TMC2: variants seen among roughly 807,000 people sequenced by gnomAD.
TMC2 encodes transmembrane channel like 2.
TMC2 carries 102 observed loss-of-function variants against 105.9 expected under a neutral mutation model. That is an observed-to-expected ratio of 0.96 (90% CI 0.82 to 1.14). The LOEUF is 1.14. Among genes scored for constraint, TMC2 ranks in the 50% most tolerant of loss-of-function variants. The probability of loss-of-function intolerance (pLI) is 0.00; values close to 1 mark genes in which losing one functional copy is unlikely to be tolerated. For missense variants in TMC2, 1,093 were observed against 1,134.3 expected (o/e 0.96, Z 0.52); for synonymous variants, 402 against 422.8 (o/e 0.95, Z 0.60).
chr20:2,587,290 G>A lies in TMC2; in HGVS notation c.835-5020G>A, dbSNP rs1447338258. On this transcript the variant is annotated intron_variant, in intron 7 of 19. Transcript: ENST00000358864. ...TGTTATTGGGCACATACAAATTTAA[G>A]ATTGTTATGTGGTGAATTATATTGA... 3.3e-5 allele frequency among the ~76,000 whole-genome samples: 5 copies of A among 152,234 alleles called. No homozygotes were observed. The South Asian group carries it at 1.0e-3, about 32-fold the overall frequency.
chr20:2,624,509 G>T, intron 17 of TMC2, 113 bp downstream of exon 17: 1 of 1,257,828 alleles, frequency 8.0e-7, no homozygotes. Context: ...CCCAGAAGCA[G>T]AATCCATGAC....
In TMC2 at chr20:2,641,267, C is replaced by T. The variant is rs373202843; in HGVS notation, c.2637C>T (p.Ile879=). ...TTCCTATATCTCGGCCCCCTGGAAT[C>T]GGACCAGATTCTGGCCACGCCCCAT... is the stretch of plus-strand genomic sequence containing the variant. ...GHLPISRPPG[I]GPDSGHAPSQ... is the part of the protein sequence containing the mutation. The change falls in exon 20 of 20, where the codon ATC becomes ATT. Residue 879 remains isoleucine (I), a synonymous_variant. Transcript: ENST00000358864. The T allele has an allele frequency of 5.6e-6, 9 of 1,614,032 alleles. No homozygotes were observed. The highest frequency in any genetic ancestry group is 1.3e-5 in the African/African-American group (1 of 74,916).
intron 18 of TMC2, 89 bp from the exon 19 acceptor site, chr20:2,637,385 C>G: frequency 6.7e-6 from 4 of 593,200 alleles, no homozygotes; most frequent in Non-Finnish European, 8.0e-6. Context: ...GAGACTCTGT[C>G]TCAAAAAAAA....
chr20:2,558,345 A>G lies in TMC2; in HGVS notation c.83-111A>G, dbSNP rs1425827433. On this transcript the variant is annotated intron_variant, in intron 2 of 19. Coordinates refer to ENST00000358864, the MANE Select transcript of TMC2 (RefSeq NM_080751.3). This position sits in a 1 kb window ranked among gnomAD's most constrained non-coding sequence, Gnocchi z 4.6. ...GGGTGTCCTGTTCTGAGCCCCGCAG[A>G]GCTCACAAGCTCTCGGAATCATCTT... 1.3e-6 allele frequency: 2 copies of G among 1,501,414 alleles called. No individual in the cohort carries two copies. The highest frequency in any genetic ancestry group is 1.8e-6 in the Non-Finnish European group (2 of 1,124,174). 93.0% of individuals were successfully genotyped at this position (1,501,414 alleles called of 1,614,324 possible). A position where few individuals can be genotyped will look rare whatever the true frequency, so the allele number is the denominator to read the frequency against.
At position 2,624,369 on chromosome 20, in the gene TMC2, T is replaced by C. The variant is rs199941206; in HGVS notation, c.2279T>C (p.Leu760Pro). 1 of 1,613,918 alleles carries C rather than the reference T, an allele frequency of 6.2e-7. No homozygotes were observed. Among genetic ancestry groups the C allele is most frequent in the Admixed American group, 1.7e-5 (1 of 59,988 alleles). The change falls in exon 17 of 20, where the codon CTG becomes CCG. Residue 760 changes from leucine to proline, a missense_variant. Leu to Pro is a moderately conservative substitution (Grantham distance 98). Transcript: ENST00000358864. ...TTTGCTTTCCTCGCCAATCCAGGCC[T>C]GATCATCCCAGCCATCCTGCTGATG... ...KIFAFLANPG[L>P]IIPAILLMFL...
Position 2,604,174 on chromosome 20 carries a change from G to T in TMC2, c.1413+1873G>T, listed in dbSNP as rs74532991. On this transcript the variant is annotated intron_variant, in intron 11 of 19. Coordinates refer to ENST00000358864, the MANE Select transcript of TMC2 (RefSeq NM_080751.3). ...CAGCCACTGCCAAAATCGGGAGAAG[G>T]TTCCAGAGTTCCCATGGGCAGAGCC... is the stretch of plus-strand genomic sequence containing the variant. Among the ~76,000 whole-genome samples, 795 of 152,324 alleles carry T rather than the reference G, an allele frequency of 5.2e-3. 13 individuals are homozygous for T. The highest frequency in any genetic ancestry group is 0.018 in the African/African-American group (736 of 41,576).
chr20:2,543,972 G>A (rs559564824), intron 2 of TMC2, among the ~76,000 whole-genome samples: 5 of 150,036 alleles, frequency 3.3e-5, no homozygotes, highest in African/African-American at 1.2e-4. Context: ...CATGATCTTG[G>A]CTCACTGCAA....
At chr20:2,613,462 T>A (rs1291040686) in intron 14 of TMC2, 140 bp downstream of exon 14, 4 of 1,253,656 alleles carry the variant, frequency 3.2e-6, no homozygotes, top group Non-Finnish European at 3.4e-6. Context: ...AGTAAAGTGT[T>A]TAATTTGTAT....
chr20:2,548,064 T>C (rs2085935112), intron 2 of TMC2, among the ~76,000 whole-genome samples: 1 of 152,264 alleles, frequency 6.6e-6, no homozygotes, highest in South Asian at 2.1e-4. Flanking sequence ...TTATAACTTT[T>C]AACCAAAGGA....
chr20:2,627,392 G>A (rs2086572186), intron 17 of TMC2, among the ~76,000 whole-genome samples: 1 of 152,216 alleles, frequency 6.6e-6, no homozygotes, highest in Non-Finnish European at 1.5e-5. Flanking sequence ...AGCAATTGAA[G>A]AATTGGTCAA....
chr20:2,589,269 C>CGTGTGTGTGTGT (rs764448789), intron 7 of TMC2, among the ~76,000 whole-genome samples: 3,887 of 84,640 alleles, frequency 0.046, 361 homozygotes, highest in Admixed American at 0.062. Context: ...TCCTATTTGC[C>CGTGTGTGTGTGT]CTGTGTGTGT....
chr20:2,598,747 A>G (rs1043815784), intron 10 of TMC2, among the ~76,000 whole-genome samples: 1 of 151,502 alleles, frequency 6.6e-6, no homozygotes, highest in Admixed American at 6.6e-5. Context: ...TTTCTAAACA[A>G]GAGTTTTTTT....
intron 4 of TMC2, among the ~76,000 whole-genome samples, chr20:2,563,032 C>T (rs1294592155): frequency 6.6e-6 from 1 of 152,180 alleles, no homozygotes; most frequent in East Asian, 1.9e-4. Flanking sequence ...TCCTATCCAA[C>T]ATGACCGTTT....
At position 2,616,564 on chromosome 20, in the gene TMC2, T is replaced by A. The variant is rs1183928728; in HGVS notation, c.1940+360T>A. Among the ~76,000 whole-genome samples, 1 of 149,480 alleles carries A rather than the reference T, an allele frequency of 6.7e-6. No homozygotes were observed. The highest frequency in any genetic ancestry group is 2.1e-4 in the South Asian group (1 of 4,724). ...GGAGGAAAAGAGGAGGAAAGGAAAA[T>A]AAAGAAGGAGGGAGGGAGAAAAGAA... On this transcript the variant is annotated intron_variant, in intron 15 of 19. Coordinates refer to ENST00000358864, the MANE Select transcript of TMC2 (RefSeq NM_080751.3). The surrounding 1 kb of genome is among the most constrained non-coding windows in gnomAD (Gnocchi z 4.8).
intron 4 of TMC2, 21 bp from the exon 5 acceptor site, chr20:2,572,158 T>C: frequency 1.5e-6 from 2 of 1,366,552 alleles, no homozygotes; most frequent in Non-Finnish European, 2.0e-6. Flanking sequence ...AAATCCTGCT[T>C]TTTTTTTTTT....
chr20:2,602,440 A>G (rs2086359031), intron 11 of TMC2, 139 bp downstream of exon 11: 3 of 619,118 alleles, frequency 4.8e-6, no homozygotes. Flanking sequence ...CTTCCAGTCA[A>G]ATAGCATGAA....
intron 10 of TMC2, among the ~76,000 whole-genome samples, chr20:2,598,393 A>ATTT (rs1236858411): frequency 1.1e-5 from 1 of 92,388 alleles, no homozygotes; most frequent in Non-Finnish European, 2.2e-5. Flanking sequence ...CCTTGCCTCT[A>ATTT]CTTTATTTAT....
At position 2,558,601 on chromosome 20, in the gene TMC2, C is replaced by T; in HGVS notation, c.228C>T (p.Arg76=). 6.4e-7 allele frequency: 1 copy of T among 1,556,676 alleles called. No homozygotes were observed. ...PGSPRRKQTG[R]RRHREELGEQ... ...CTCCCCGGAGGAAGCAAACAGGGCG[C>T]AGGAGACACAGAGAAGAGCTGGGGG... The change falls in exon 3 of 20, where the codon CGC becomes CGT. Residue 76 remains arginine (R), a synonymous_variant. Coordinates refer to ENST00000358864, the MANE Select transcript of TMC2 (RefSeq NM_080751.3). The surrounding 1 kb of genome is among the most constrained non-coding windows in gnomAD (Gnocchi z 4.6).
At position 2,613,178 on chromosome 20, in the gene TMC2, C is replaced by T. The variant is rs763426148; in HGVS notation, c.1744-16C>T. On this transcript the variant is annotated splice_polypyrimidine_tract_variant and intron_variant, in intron 13 of 19. Transcript: ENST00000358864. ...CAAGGTCTCCAACCACCCCCTCTTC[C>T]TGTGTTCCTCTGCAGGAATTCATGA... 6.2e-7 allele frequency: 1 copy of T among 1,608,304 alleles called. No individual in the cohort carries two copies. The highest frequency in any genetic ancestry group is 1.1e-5 in the South Asian group (1 of 90,714).
Sources: allele counts gnomAD v4.1 joint callset (sites outside exome capture counted in the v4.1 genomes callset), GRCh38; gene constraint gnomAD v4.1.1; non-coding constraint Gnocchi (gnomAD v3.1); transcripts MANE v1.5; gene names NCBI Gene and HGNC (gene_info 2026-07-23, HGNC 2026-07-21).